Variants in SERINC5 observed in about 807,000 individuals in gnomAD.
SERINC5 encodes the protein chromosome 5 open reading frame 12.
Under a neutral mutation model 63.1 loss-of-function variants are expected in SERINC5, and 41 were observed. The ratio of observed to expected loss-of-function variants is 0.65; its 90% CI spans 0.51 to 0.84. The LOEUF (loss-of-function observed/expected upper bound fraction) is 0.84, where lower values mean the gene tolerates loss of function less well. SERINC5 is among the 40% of genes least tolerant of loss of function. The pLI, the probability that SERINC5 is intolerant of heterozygous loss-of-function variation, is 0.00. For missense variants in SERINC5, 523 were observed against 573.0 expected, an observed-to-expected ratio of 0.91 and a Z score of 0.89; for synonymous variants, 222 against 215.2, an observed-to-expected ratio of 1.03 and a Z score of -0.28.
chr5:80,242,402 G>A (rs1202440054), intron 1 of SERINC5, among the ~76,000 whole-genome samples: 1 of 152,142 alleles, frequency 6.6e-6, no homozygotes, highest in Non-Finnish European at 1.5e-5. Flanking sequence ...TGGATCATTT[G>A]AGGTCAGGAG....
chr5:80,138,237 A>G (rs1157462651), downstream of SERINC5, among the ~76,000 whole-genome samples: 3 of 152,084 alleles, frequency 2.0e-5, no homozygotes, highest in Non-Finnish European at 4.4e-5. Context: ...TATCAGCCAG[A>G]AGTTCAGGAG....
At chr5:80,247,506 G>T (rs1224472660) in intron 1 of SERINC5, among the ~76,000 whole-genome samples, 6 of 152,196 alleles carry the variant, frequency 3.9e-5, no homozygotes, top group Non-Finnish European at 8.8e-5. Flanking sequence ...ACTTGCTGCA[G>T]TCCAAAGCTA....
chr5:80,223,336 T>G (rs936759653), intron 1 of SERINC5, among the ~76,000 whole-genome samples: 6 of 152,202 alleles, frequency 3.9e-5, no homozygotes, highest in Admixed American at 2.6e-4. Context: ...CTATATACTT[T>G]AAATTATCTC....
chr5:80,238,442 G>A (rs570923726), intron 1 of SERINC5, among the ~76,000 whole-genome samples: 3 of 152,056 alleles, frequency 2.0e-5, no homozygotes, highest in Non-Finnish European at 4.4e-5. Flanking sequence ...AGAGAAGGAA[G>A]GGAACAAAAA....
intron 1 of SERINC5, among the ~76,000 whole-genome samples, chr5:80,249,466 C>G (rs1396464349): frequency 6.6e-6 from 1 of 152,004 alleles, no homozygotes; most frequent in East Asian, 1.9e-4. Context: ...AGAGTGGGAT[C>G]AAATACAGCA....
At position 80,212,565 on chromosome 5, in the gene SERINC5, C is replaced by T. The variant is rs140437697; in HGVS notation, c.28-9512G>A. On this transcript the variant is annotated intron_variant, in intron 1 of 11. Coordinates refer to ENST00000507668, the MANE Select transcript of SERINC5 (RefSeq NM_001174072.3). ...TTCATTGAAATTCTGGACCCAACAACCAACATTGTGTGGCTTAATCTTCCC... is the reference window on the plus strand; with the variant it reads ...TTCATTGAAATTCTGGACCCAACAATCAACATTGTGTGGCTTAATCTTCCC... 6.0e-3 allele frequency among the ~76,000 whole-genome samples: 901 copies of T among 151,074 alleles called. 7 individuals carry two copies. Among genetic ancestry groups the T allele is most frequent in the African/African-American group, 0.021 (853 of 41,074 alleles).
At chr5:80,122,124 C>T (rs539127409) in intron 11 of SERINC5, among the ~76,000 whole-genome samples, 2 of 151,356 alleles carry the variant, frequency 1.3e-5, no homozygotes, top group East Asian at 3.9e-4. Flanking sequence ...AAATTGCAAT[C>T]TCTCTGTAGT....
chr5:80,164,899 ACT>A lies in SERINC5; in HGVS notation c.859+1482_859+1483del, dbSNP rs1024262733. On this transcript the variant is annotated intron_variant, in intron 7 of 11. Coordinates refer to ENST00000507668, the MANE Select transcript of SERINC5 (RefSeq NM_001174072.3). ...TGTAGAGCACTTGAAATTTAAAATA[ACT>A]TTTTTTCTGTTTTTTTTTTTTTTTT... Among the ~76,000 whole-genome samples the A allele has an allele frequency of 5.2e-4, 72 of 138,508 alleles. 1 individual carries two copies. The East Asian group carries it at 0.014, about 27-fold the overall frequency. The allele number at this position is 138,508 out of a possible 152,430, so 90.9% of individuals were successfully genotyped here.
Position 80,143,752 on chromosome 5 carries a change from T to C in SERINC5, c.1297A>G (p.Lys433Glu). 6.5e-7 allele frequency: 1 copy of C among 1,536,166 alleles called. No homozygotes were observed. Among genetic ancestry groups the C allele is most frequent in the Non-Finnish European group, 8.7e-7 (1 of 1,146,900 alleles). Residue 433 changes from lysine to glutamate, a missense_variant, in exon 12 of 12, where the codon AAG becomes GAG. Physicochemically the swap from Lys to Glu is moderately conservative, Grantham distance 56 (BLOSUM62 1). Coordinates refer to ENST00000507668, the MANE Select transcript of SERINC5 (RefSeq NM_001174072.3). The stretch of plus-strand genomic sequence containing the variant: ...ACGCATATCCAGCAGGAGGCCATCT[T>C]GACCCAGAAGATGGACCAGCTCCCG... ...FSGSWSIFWV[K>E]MASCWICVLL...
At chr5:80,161,643 T>A (rs561830770) in intron 7 of SERINC5, among the ~76,000 whole-genome samples, 78 of 152,360 alleles carry the variant, frequency 5.1e-4, no homozygotes, top group African/African-American at 1.7e-3. Flanking sequence ...TTTTCTCTGA[T>A]TCTGCAGGTT....
intron 2 of SERINC5, among the ~76,000 whole-genome samples, chr5:80,184,987 C>T (rs990562373): frequency 1.3e-5 from 2 of 152,108 alleles, no homozygotes; most frequent in Admixed American, 1.3e-4. Flanking sequence ...AGCGATTCTC[C>T]TGTCTCAGCC....
chr5:80,184,877 G>A (rs954695548), intron 2 of SERINC5, among the ~76,000 whole-genome samples: 3 of 152,080 alleles, frequency 2.0e-5, no homozygotes, highest in Non-Finnish European at 2.9e-5. Flanking sequence ...CTCACACACT[G>A]TATGTTGTTT....
At chr5:80,127,399 T>C (rs183061958) in intron 11 of SERINC5, among the ~76,000 whole-genome samples, 1 of 152,336 alleles carries the variant, frequency 6.6e-6, no homozygotes, top group African/African-American at 2.4e-5. Flanking sequence ...TACAGACTGC[T>C]GGTCCCAGGA....
intron 11 of SERINC5, 144 bp downstream of exon 11, chr5:80,145,946 G>A (rs975507318): frequency 9.2e-6 from 7 of 757,010 alleles, no homozygotes; most frequent in Non-Finnish European, 8.6e-6. Context: ...GGAAGCAGAG[G>A]TTGCAGTGAG....
At chr5:80,131,472 T>C (rs2112256194) in intron 11 of SERINC5, among the ~76,000 whole-genome samples, 1 of 152,272 alleles carries the variant, frequency 6.6e-6, no homozygotes. Flanking sequence ...CCAAGTGCTA[T>C]CCAAGGGAGA....
At chr5:80,137,751 G>T (rs193027738), downstream of SERINC5, among the ~76,000 whole-genome samples, 8 of 150,930 alleles carry the variant, frequency 5.3e-5, no homozygotes, top group African/African-American at 1.9e-4. Context: ...AGACCAACCC[G>T]TGCAACATAG....
At chr5:80,163,608 A>AG (rs1220984984) in intron 7 of SERINC5, among the ~76,000 whole-genome samples, 1 of 151,784 alleles carries the variant, frequency 6.6e-6, no homozygotes. Flanking sequence ...CATCTATTGA[A>AG]ATGATCATAT....
chr5:80,249,498 T>C (rs1752309019), intron 1 of SERINC5, among the ~76,000 whole-genome samples: 1 of 151,940 alleles, frequency 6.6e-6, no homozygotes. Context: ...ATCCCAACTT[T>C]GCAAAGTAAA....
intron 5 of SERINC5, 28 bp downstream of exon 5, chr5:80,174,926 A>G (rs1561395073): frequency 6.6e-7 from 1 of 1,521,160 alleles, no homozygotes; most frequent in Non-Finnish European, 9.0e-7. Context: ...CTGTGAGTCA[A>G]TGGGAAGCTT....
Sources: gnomAD v4.1 joint callset for allele counts (sites outside exome capture counted in the v4.1 genomes callset) on GRCh38, gnomAD v4.1.1 for gene constraint, MANE v1.5 for transcripts, NCBI Gene and HGNC (gene_info 2026-07-23, HGNC 2026-07-21) for gene names.